Variants in PCDHA4 observed in about 807,000 individuals in gnomAD.
PCDHA4 encodes the protein protocadherin alpha 4.
In PCDHA4, 49 loss-of-function variants were observed where a neutral mutation model predicts 61.4. The observed-to-expected ratio is 0.80, with a 90% confidence interval of 0.63 to 1.01. PCDHA4 has a LOEUF of 1.01. Among genes scored for constraint, PCDHA4 ranks in the 50% least tolerant of loss-of-function variants. The pLI, the probability that PCDHA4 is intolerant of heterozygous loss-of-function variation, is 0.00. For synonymous variants in PCDHA4, 590 were observed against 550.3 expected (o/e 1.07, Z -1.01); for missense variants, 1,254 against 1,235.8 (o/e 1.01, Z -0.22).
At chr5:140,988,085 G>T (rs1490034264) in intron 3 of PCDHA4, among the ~76,000 whole-genome samples, 1 of 152,176 alleles carries the variant, frequency 6.6e-6, no homozygotes, top group East Asian at 1.9e-4. Flanking sequence ...ATGAGTGAGT[G>T]CAGCCTCGGG....
chr5:140,843,940 T>C (rs1562418437), intron 1 of PCDHA4: 1 of 573,848 alleles, frequency 1.7e-6, no homozygotes, highest in South Asian at 2.4e-5. Flanking sequence ...TATGGTTGGA[T>C]GATATCCATT....
chr5:140,947,784 T>C (rs2094176527), intron 1 of PCDHA4, among the ~76,000 whole-genome samples: 1 of 151,672 alleles, frequency 6.6e-6, no homozygotes, highest in Non-Finnish European at 1.5e-5. Context: ...AAATGGATTT[T>C]AAACAGACTT....
At chr5:140,812,188 A>G (rs1284856498) in intron 1 of PCDHA4, 2 of 132,336 alleles carry the variant, frequency 1.5e-5, no homozygotes, top group African/African-American at 6.0e-5. Context: ...TACTGATTCA[A>G]TCTCCTTACT....
intron 1 of PCDHA4, chr5:140,828,051 C>A (rs2150150373): frequency 6.5e-7 from 1 of 1,545,276 alleles, no homozygotes. Flanking sequence ...TATCTTTATG[C>A]GGAAGATCTT....
At chr5:140,829,598 G>C (rs782543757) in intron 1 of PCDHA4, 5 of 1,611,978 alleles carry the variant, frequency 3.1e-6, no homozygotes, top group Non-Finnish European at 4.2e-6. Context: ...GGGCGAGCGC[G>C]CGTTGTCGAG....
chr5:140,946,611 A>AATATATAGATATATATATATAT (rs2093974557), intron 1 of PCDHA4, among the ~76,000 whole-genome samples: 1 of 86,814 alleles, frequency 1.2e-5, no homozygotes, highest in Non-Finnish European at 2.1e-5. Context: ...GAAAATGTGA[A>AATATATAGATATATATATATAT]ATATATATAT....
chr5:140,866,287 C>T (rs1396371419), intron 1 of PCDHA4: 1 of 152,074 alleles, frequency 6.6e-6, no homozygotes, highest in Non-Finnish European at 1.5e-5. Flanking sequence ...GTGTTTGGGA[C>T]AAGTATAGAT....
intron 1 of PCDHA4, among the ~76,000 whole-genome samples, chr5:140,977,306 C>T (rs995052680): frequency 6.6e-6 from 1 of 152,150 alleles, no homozygotes; most frequent in African/African-American, 2.4e-5. Context: ...GACAAGCTAA[C>T]GATAGTGCTC....
At chr5:140,923,577 G>C (rs1456273088) in intron 1 of PCDHA4, among the ~76,000 whole-genome samples, 3 of 152,196 alleles carry the variant, frequency 2.0e-5, no homozygotes, top group Non-Finnish European at 4.4e-5. Context: ...CTGCTAAAGA[G>C]AAGGTTTGTT....
chr5:140,990,554 A>T (rs555586765), intron 3 of PCDHA4, among the ~76,000 whole-genome samples: 1 of 152,308 alleles, frequency 6.6e-6, no homozygotes, highest in East Asian at 1.9e-4. Context: ...GTATTACCCA[A>T]GAACACACAC....
intron 1 of PCDHA4, chr5:140,857,801 G>A: frequency 6.3e-7 from 1 of 1,597,726 alleles, no homozygotes; most frequent in Non-Finnish European, 8.6e-7. Flanking sequence ...GCGGTCGGTG[G>A]TTGCGGGTCA....
intron 1 of PCDHA4, among the ~76,000 whole-genome samples, chr5:140,838,153 G>A (rs2150285429): frequency 3.7e-5 from 5 of 135,362 alleles, no homozygotes; most frequent in Admixed American, 1.5e-4. Flanking sequence ...TTACTCTGTC[G>A]CCCTCTCTGG....
intron 1 of PCDHA4, among the ~76,000 whole-genome samples, chr5:140,909,018 A>AT: frequency 6.6e-6 from 1 of 152,230 alleles, no homozygotes; most frequent in East Asian, 1.9e-4. Context: ...AGGTTCCTGA[A>AT]TTTTAGTCAT....
chr5:140,822,816 A>C, intron 1 of PCDHA4: 1 of 1,614,198 alleles, frequency 6.2e-7, no homozygotes, highest in Non-Finnish European at 8.5e-7. Context: ...ATAATACCCC[A>C]GAGATGGCCA....
chr5:140,952,531 C>T (rs1463200514), intron 1 of PCDHA4, among the ~76,000 whole-genome samples: 1 of 152,138 alleles, frequency 6.6e-6, no homozygotes, highest in Non-Finnish European at 1.5e-5. Context: ...CCTCCTCAGA[C>T]TGGACTTCTT....
In PCDHA4 at chr5:140,927,340, G is replaced by A. The variant is rs77098674; in HGVS notation, c.2386-51609G>A. ...CCGCTTTACTCTCCCGAATGCCCAAGATGACGACGAGGGAAGCAATGGGAT... is the reference window on the plus strand; with the variant it reads ...CCGCTTTACTCTCCCGAATGCCCAAAATGACGACGAGGGAAGCAATGGGAT... On this transcript the variant is annotated intron_variant, in intron 1 of 3. Coordinates refer to ENST00000530339, the MANE Select transcript of PCDHA4 (RefSeq NM_018907.4). The A allele has an allele frequency of 8.1e-6, 13 of 1,614,032 alleles. No individual in the cohort carries two copies. The African/African-American group carries it at 1.5e-4, about 18-fold the overall frequency.
At chr5:140,997,329 T>C (rs1030113015) in intron 3 of PCDHA4, among the ~76,000 whole-genome samples, 1 of 152,228 alleles carries the variant, frequency 6.6e-6, no homozygotes, top group African/African-American at 2.4e-5. Context: ...AGTTTTTTCG[T>C]TGTACAAATA....
intron 1 of PCDHA4, chr5:140,858,628 C>T (rs574787408): frequency 1.8e-6 from 2 of 1,091,216 alleles, no homozygotes; most frequent in South Asian, 3.4e-5. Context: ...CCCAGTGTGT[C>T]AGCCTTTGAT....
chr5:140,883,668 A>G (rs782191858), intron 1 of PCDHA4: 16 of 1,613,456 alleles, frequency 9.9e-6, no homozygotes, highest in Non-Finnish European at 1.4e-5. Flanking sequence ...GTGAAGGAAA[A>G]CAATCCGCCG....
Sources: allele counts gnomAD v4.1 joint callset (sites outside exome capture counted in the v4.1 genomes callset), GRCh38; gene constraint gnomAD v4.1.1; transcripts MANE v1.5; gene names NCBI Gene and HGNC (gene_info 2026-07-23, HGNC 2026-07-21).